The following CFAP299 variants were observed in gnomAD, a reference collection of about 807,000 sequenced individuals.
The protein encoded by CFAP299 is cilia and flagella associated protein 299.
In CFAP299, 21 loss-of-function variants were observed where a neutral mutation model predicts 27.0. The ratio of observed to expected loss-of-function variants is 0.78; its 90% CI spans 0.55 to 1.12. CFAP299 has a LOEUF of 1.12. Among genes scored for constraint, CFAP299 ranks in the 50% most tolerant of loss-of-function variants. The pLI, the probability that CFAP299 is intolerant of heterozygous loss-of-function variation, is 0.00. For missense variants in CFAP299, 310 were observed against 276.6 expected (o/e 1.12, Z -0.86); for synonymous variants, 104 against 98.1 (o/e 1.06, Z -0.36).
chr4:80,870,661 G>C, intron 4 of CFAP299: 1 of 985,438 alleles, frequency 1.0e-6, no homozygotes, highest in Non-Finnish European at 1.2e-6. Flanking sequence ...ACCCTACACT[G>C]CCAATCTATT....
At chr4:80,690,498 G>A (rs928950543) in intron 3 of CFAP299, among the ~76,000 whole-genome samples, 2 of 151,744 alleles carry the variant, frequency 1.3e-5, no homozygotes, top group Non-Finnish European at 2.9e-5. Flanking sequence ...AAACCAACGA[G>A]AACAAAGACA....
intron 2 of CFAP299, among the ~76,000 whole-genome samples, chr4:80,425,402 C>G (rs1727486182): frequency 6.6e-6 from 1 of 152,096 alleles, no homozygotes; most frequent in Non-Finnish European, 1.5e-5. Context: ...AATTATTTTC[C>G]CCTTATCTAA....
At chr4:80,893,563 A>G (rs1198402727) in intron 4 of CFAP299, among the ~76,000 whole-genome samples, 1 of 151,960 alleles carries the variant, frequency 6.6e-6, no homozygotes, top group Non-Finnish European at 1.5e-5. Context: ...AAATATATAC[A>G]TATTTTTGAT....
At chr4:80,405,117 C>T (rs1024862064) in intron 2 of CFAP299, among the ~76,000 whole-genome samples, 3 of 152,124 alleles carry the variant, frequency 2.0e-5, no homozygotes, top group Non-Finnish European at 4.4e-5. Flanking sequence ...GGCCAGTTTC[C>T]ATACCTGCCC....
At chr4:80,346,832 G>A (rs957023180) in intron 1 of CFAP299, among the ~76,000 whole-genome samples, 4 of 152,096 alleles carry the variant, frequency 2.6e-5, no homozygotes, top group African/African-American at 9.7e-5. Context: ...AGCTTGATGG[G>A]GATGACATTG....
chr4:80,732,930 T>C (rs930212161), intron 3 of CFAP299, among the ~76,000 whole-genome samples: 4 of 152,142 alleles, frequency 2.6e-5, no homozygotes, highest in Non-Finnish European at 4.4e-5. Flanking sequence ...GCCTTATTAA[T>C]GTGCTTGGCA....
At chr4:80,664,592 AG>A (rs1741044563) in intron 3 of CFAP299, among the ~76,000 whole-genome samples, 1 of 152,130 alleles carries the variant, frequency 6.6e-6, no homozygotes, top group South Asian at 2.1e-4. Flanking sequence ...ACCAAGCTCA[AG>A]CATCCCAGGT....
At chr4:80,331,068 T>C (rs1242290409), upstream of CFAP299, among the ~76,000 whole-genome samples, 1 of 152,148 alleles carries the variant, frequency 6.6e-6, no homozygotes, top group East Asian at 1.9e-4. Flanking sequence ...GAGACTACTA[T>C]ATCTTGATCT....
At chr4:80,478,970 G>GT (rs1479656254) in intron 2 of CFAP299, among the ~76,000 whole-genome samples, 1 of 151,964 alleles carries the variant, frequency 6.6e-6, no homozygotes, top group East Asian at 1.9e-4. Flanking sequence ...GATAAGGCTA[G>GT]TGTTGAGTAT....
the CFAP299 span, among the ~76,000 whole-genome samples, chr4:80,324,821 G>A: frequency 2.0e-5 from 3 of 152,224 alleles, no homozygotes; most frequent in Non-Finnish European, 2.9e-5. Flanking sequence ...TTAGGAGGGC[G>A]AGGTAAAAAA....
At chr4:80,595,126 A>G (rs1453012802) in intron 3 of CFAP299, among the ~76,000 whole-genome samples, 1 of 152,120 alleles carries the variant, frequency 6.6e-6, no homozygotes, top group Admixed American at 6.5e-5. Context: ...ATATGGGTAG[A>G]GGGTATCAAC....
At chr4:80,901,096 AGAGAGCAAT>A (rs1734867037) in intron 4 of CFAP299, among the ~76,000 whole-genome samples, 1 of 152,186 alleles carries the variant, frequency 6.6e-6, no homozygotes, top group African/African-American at 2.4e-5. Context: ...AATGGTATAC[AGAGAGCAAT>A]GAGAGCAATG....
chr4:80,515,922 T>C (rs1732561633), intron 2 of CFAP299, among the ~76,000 whole-genome samples: 1 of 151,652 alleles, frequency 6.6e-6, no homozygotes, highest in African/African-American at 2.4e-5. Flanking sequence ...ATGTTAATAA[T>C]ACAAGAAAGA....
intron 3 of CFAP299, among the ~76,000 whole-genome samples, chr4:80,860,303 T>C (rs1185492666): frequency 2.6e-5 from 4 of 152,202 alleles, no homozygotes; most frequent in South Asian, 4.1e-4. Context: ...ATTCTAGTTA[T>C]ACATTCGTCT....
intron 2 of CFAP299, among the ~76,000 whole-genome samples, chr4:80,438,557 C>CT: frequency 6.6e-6 from 1 of 152,260 alleles, no homozygotes; most frequent in South Asian, 2.1e-4. Flanking sequence ...TGAACGTTAC[C>CT]TTTGCCATAA....
At chr4:80,750,267 A>G (rs1332427714) in intron 3 of CFAP299, among the ~76,000 whole-genome samples, 1 of 152,176 alleles carries the variant, frequency 6.6e-6, no homozygotes, top group Non-Finnish European at 1.5e-5. Flanking sequence ...TGATATATCT[A>G]GATATAAATT....
intron 3 of CFAP299, among the ~76,000 whole-genome samples, chr4:80,711,719 A>T (rs1034825594): frequency 2.6e-5 from 4 of 152,122 alleles, no homozygotes; most frequent in East Asian, 3.9e-4. Flanking sequence ...TATGCTATTT[A>T]AAAAAAGTAT....
At chr4:80,523,614 A>G (rs561680172) in intron 2 of CFAP299, among the ~76,000 whole-genome samples, 28 of 152,248 alleles carry the variant, frequency 1.8e-4, no homozygotes, top group Non-Finnish European at 3.5e-4. Flanking sequence ...TCAAATAGAA[A>G]AAAATATGAA....
chr4:80,817,001 T>C (rs772224595), intron 3 of CFAP299, among the ~76,000 whole-genome samples: 2 of 152,144 alleles, frequency 1.3e-5, no homozygotes, highest in Non-Finnish European at 2.9e-5. Context: ...GGATTTCCCT[T>C]CAGGTCAGAG....
Sources: allele counts gnomAD v4.1 joint callset (sites outside exome capture counted in the v4.1 genomes callset), GRCh38; gene constraint gnomAD v4.1.1; transcripts MANE v1.5; gene names NCBI Gene and HGNC (gene_info 2026-07-23, HGNC 2026-07-21).